The following GTF2A1 variants were observed in gnomAD, a reference collection of about 807,000 sequenced individuals.
The protein encoded by GTF2A1 is transcription initiation factor IIA subunit 1.
Under a neutral mutation model 54.1 loss-of-function variants are expected in GTF2A1, and 12 were observed. That is an observed-to-expected ratio of 0.22 (90% CI 0.14 to 0.36). GTF2A1 has a LOEUF of 0.36. Among genes scored for constraint, GTF2A1 ranks in the 10% least tolerant of loss-of-function variants. GTF2A1 has a pLI of 1.00. For synonymous variants in GTF2A1, 145 were observed against 152.0 expected, an observed-to-expected ratio of 0.95 and a Z score of 0.34; for missense variants, 335 against 442.2, an observed-to-expected ratio of 0.76 and a Z score of 2.17.
chr14:81,192,573 A>C lies in GTF2A1; in HGVS notation c.879T>G (p.Asp293Glu). 6.2e-7 allele frequency: 1 copy of C among 1,613,584 alleles called. No homozygotes were observed. The highest frequency in any genetic ancestry group is 1.1e-5 in the South Asian group (1 of 91,048). The change falls in exon 7 of 9, where the codon GAT (aspartate) becomes GAG (glutamate). Residue 293 changes from aspartate (D) to glutamate (E), a missense_variant. Around this residue, in one of 2 missense-constraint regions of GTF2A1, gnomAD observed 306 missense variants for 360.4 expected, o/e 0.85. Transcript: ENST00000553612. ...CTTTCTCTTTGTCTTCCTCCTCATC[A>C]TCATCATAGTCTTCTTCTTCATCTT... ...EDEDEEEDYD[D>E]DEEEDKEKDG...
rs1331425944 is a variant in GTF2A1, at chr14:81,175,481, T to C, written c.*4742A>G. Reference sequence around the variant, plus strand: ...CTGGCAATAAATAAGATATCTTTATTATGATTATGTTAATAGTTAAAATTT... The same window carrying C: ...CTGGCAATAAATAAGATATCTTTATCATGATTATGTTAATAGTTAAAATTT... On this transcript the variant is annotated 3_prime_UTR_variant, in exon 9 of 9. Coordinates refer to ENST00000553612, the MANE Select transcript of GTF2A1 (RefSeq NM_015859.4). 6.6e-6 allele frequency: 1 copy of C among 152,214 alleles called. No homozygotes were observed. Among genetic ancestry groups the C allele is most frequent in the African/African-American group, 2.4e-5 (1 of 41,452 alleles). The allele number at this position is 152,214 out of a possible 1,614,324, so 9.4% of individuals were successfully genotyped here.
At position 81,189,447 on chromosome 14, in the gene GTF2A1, G is replaced by A. The variant is rs575011232; in HGVS notation, c.933+3072C>T. ...AGCACTTTGGGAGGCCAAGGTGGGC[G>A]GATCACGAGGTCAGGAGATCAAGAC... On this transcript the variant is annotated intron_variant, in intron 7 of 8. Transcript: ENST00000553612. Among the ~76,000 whole-genome samples, 141 of 152,212 alleles carry A rather than the reference G, an allele frequency of 9.3e-4. 1 individual carries two copies. Among genetic ancestry groups the A allele is most frequent in the African/African-American group, 3.2e-3 (132 of 41,532 alleles).
Position 81,192,552 on chromosome 14 carries a change from CTCTT to C in GTF2A1, c.896_899del (p.Lys299ArgfsTer21). On this transcript the variant is annotated frameshift_variant, in exon 7 of 9. Coordinates refer to ENST00000553612, the MANE Select transcript of GTF2A1 (RefSeq NM_015859.4). LOFTEE classifies it high-confidence loss of function. ...CCTGCCCATCTTCAGCTCCATCTTT[CTCTT>C]TGTCTTCCTCCTCATCATCATCATA... 1 of 1,612,704 alleles carries C rather than the reference CTCTT, an allele frequency of 6.2e-7. No individual in the cohort carries two copies. The highest frequency in any genetic ancestry group is 8.5e-7 in the Non-Finnish European group (1 of 1,179,222).
chr14:81,195,170 G>A (rs55870410), intron 6 of GTF2A1, among the ~76,000 whole-genome samples: 1 of 149,752 alleles, frequency 6.7e-6, no homozygotes, highest in East Asian at 2.0e-4. Context: ...CTATAAATCA[G>A]CCAGGTTAGG....
At chr14:81,187,137 G>A (rs865841979) in intron 7 of GTF2A1, among the ~76,000 whole-genome samples, 7 of 152,034 alleles carry the variant, frequency 4.6e-5, no homozygotes, top group African/African-American at 7.2e-5. Context: ...GGCAGATCAC[G>A]AGGTCAGGAG....
At chr14:81,185,034 A>T (rs1411907790) in intron 8 of GTF2A1, among the ~76,000 whole-genome samples, 2 of 152,206 alleles carry the variant, frequency 1.3e-5, no homozygotes, top group African/African-American at 4.8e-5. Context: ...TAATGTTAGC[A>T]AACTACAGCA....
chr14:81,190,417 C>A (rs1892851466), intron 7 of GTF2A1, among the ~76,000 whole-genome samples: 1 of 151,940 alleles, frequency 6.6e-6, no homozygotes, highest in Non-Finnish European at 1.5e-5. Context: ...AAGTCCTCAA[C>A]AAAATGAATT....
chr14:81,210,837 G>C (rs1047105857), intron 2 of GTF2A1, among the ~76,000 whole-genome samples: 3 of 152,094 alleles, frequency 2.0e-5, no homozygotes, highest in Admixed American at 6.5e-5. Context: ...TTACAGGCAT[G>C]AGACACCGCA....
intron 3 of GTF2A1, 72 bp downstream of exon 3, chr14:81,203,828 G>A (rs1278115845): frequency 7.6e-7 from 1 of 1,317,304 alleles, no homozygotes; most frequent in East Asian, 2.3e-5. Flanking sequence ...AAAAAATGCA[G>A]AATATTTCTC....
chr14:81,218,316 C>T (rs1305087419), intron 1 of GTF2A1, among the ~76,000 whole-genome samples: 1 of 152,112 alleles, frequency 6.6e-6, no homozygotes, highest in Non-Finnish European at 1.5e-5. Flanking sequence ...CTTAATAAAT[C>T]ATTAAGATTT....
At chr14:81,194,477 C>T (rs1430885969) in intron 6 of GTF2A1, among the ~76,000 whole-genome samples, 1 of 152,194 alleles carries the variant, frequency 6.6e-6, no homozygotes, top group African/African-American at 2.4e-5. Flanking sequence ...CCAGAAGTGA[C>T]AGCAGTACAT....
intron 2 of GTF2A1, among the ~76,000 whole-genome samples, chr14:81,205,112 A>T (rs925875274): frequency 2.6e-5 from 4 of 151,218 alleles, no homozygotes; most frequent in African/African-American, 7.3e-5. Flanking sequence ...GAGTTTCTTT[A>T]TTTTTTTATT....
intron 7 of GTF2A1, among the ~76,000 whole-genome samples, chr14:81,187,585 A>C (rs1490583261): frequency 6.6e-6 from 1 of 152,142 alleles, no homozygotes; most frequent in Non-Finnish European, 1.5e-5. Flanking sequence ...CCTATTCTGG[A>C]TATTTCATAT....
chr14:81,184,157 T>C (rs1160753396), intron 8 of GTF2A1, among the ~76,000 whole-genome samples: 1 of 152,202 alleles, frequency 6.6e-6, no homozygotes, highest in Non-Finnish European at 1.5e-5. Context: ...GTACAGTTTG[T>C]GCCAAAGGAG....
intron 2 of GTF2A1, among the ~76,000 whole-genome samples, chr14:81,213,314 G>A (rs1893413440): frequency 1.2e-5 from 1 of 82,976 alleles, no homozygotes. Flanking sequence ...CAAAAATGGA[G>A]GTGGAAACAT....
intron 8 of GTF2A1, among the ~76,000 whole-genome samples, chr14:81,181,657 G>A (rs1892641767): frequency 6.6e-6 from 1 of 152,100 alleles, no homozygotes; most frequent in African/African-American, 2.4e-5. Context: ...TGATTCTCCT[G>A]CCTCAGCCTC....
At chr14:81,193,491 T>C (rs777291412) in intron 6 of GTF2A1, among the ~76,000 whole-genome samples, 34 of 152,164 alleles carry the variant, frequency 2.2e-4, no homozygotes, top group Admixed American at 1.3e-4. Context: ...AAGTCAGACA[T>C]AAATACAGCA....
intron 6 of GTF2A1, among the ~76,000 whole-genome samples, chr14:81,195,811 G>A (rs1566855378): frequency 6.6e-6 from 1 of 151,976 alleles, no homozygotes; most frequent in African/African-American, 2.4e-5. Flanking sequence ...TGAATACCCC[G>A]AGACTCAGTA....
rs1040305189 is a variant in GTF2A1, at chr14:81,178,944, C to G, written c.*1279G>C. On this transcript the variant is annotated 3_prime_UTR_variant, in exon 9 of 9. Coordinates refer to ENST00000553612, the MANE Select transcript of GTF2A1 (RefSeq NM_015859.4). ...TCAGAGCCCCTTACAGAATACAGAC[C>G]TATGCATTCTTAATATACATATTAC... 2.4e-4 allele frequency: 37 copies of G among 152,282 alleles called. No homozygotes were observed. Among genetic ancestry groups the G allele is most frequent in the Admixed American group, 2.4e-3 (36 of 15,294 alleles). 9.4% of individuals were successfully genotyped at this position (152,282 alleles called of 1,614,324 possible).
Sources: gnomAD v4.1 joint callset for allele counts (sites outside exome capture counted in the v4.1 genomes callset) on GRCh38, gnomAD v4.1.1 for gene constraint, gnomAD v4.1.1 regional missense constraint, MANE v1.5 for transcripts, NCBI Gene and HGNC (gene_info 2026-07-23, HGNC 2026-07-21) for gene names.